Variants in SDCCAG8 observed in about 807,000 individuals in gnomAD.
The protein encoded by SDCCAG8 is serologically defined colon cancer antigen 8.
A neutral mutation model predicts 101.8 loss-of-function variants in SDCCAG8; 74 were observed. The ratio of observed to expected loss-of-function variants is 0.73; its 90% CI spans 0.60 to 0.88. SDCCAG8 has a LOEUF of 0.88. Ranked by LOEUF, SDCCAG8 falls within the 40% of genes least tolerant of loss-of-function variation. SDCCAG8 has a pLI of 0.00. For missense variants in SDCCAG8, 787 were observed against 822.6 expected, an observed-to-expected ratio of 0.96 and a Z score of 0.53; for synonymous variants, 281 against 292.9, an observed-to-expected ratio of 0.96 and a Z score of 0.41.
At chr1:243,322,610 C>G (rs182250685) in intron 9 of SDCCAG8, among the ~76,000 whole-genome samples, 68 of 152,252 alleles carry the variant, frequency 4.5e-4, no homozygotes, top group Non-Finnish European at 7.1e-4. Flanking sequence ...AAATCCGTAG[C>G]ATCTTGCGTA....
chr1:243,486,525 C>G (rs1308108360), intron 16 of SDCCAG8, among the ~76,000 whole-genome samples: 1 of 152,220 alleles, frequency 6.6e-6, no homozygotes, highest in Admixed American at 6.5e-5. Flanking sequence ...GCAAAGCACT[C>G]TGGACTAAAC....
intron 15 of SDCCAG8, among the ~76,000 whole-genome samples, chr1:243,423,557 GAAT>G (rs1293903789): frequency 1.3e-5 from 2 of 152,072 alleles, no homozygotes; most frequent in African/African-American, 4.8e-5. Context: ...AACCGTTTAT[GAAT>G]AATAATACAA....
intron 17 of SDCCAG8, 86 bp from the exon 18 acceptor site, chr1:243,499,670 A>C: frequency 9.2e-7 from 1 of 1,088,014 alleles, no homozygotes; most frequent in Middle Eastern, 2.0e-4. Context: ...TTTTCATCAT[A>C]AAAGGTGACT....
At chr1:243,258,559 C>A (rs1339139846) in intron 1 of SDCCAG8, among the ~76,000 whole-genome samples, 2 of 152,148 alleles carry the variant, frequency 1.3e-5, no homozygotes, top group Non-Finnish European at 2.9e-5. Context: ...CACGCGCCAC[C>A]ATGCCCGGCT....
chr1:243,388,585 G>T (rs994003506), intron 13 of SDCCAG8, among the ~76,000 whole-genome samples: 2 of 151,940 alleles, frequency 1.3e-5, no homozygotes, highest in Middle Eastern at 3.4e-3. Flanking sequence ...CCCTGGTCAG[G>T]TGCCATGGCT....
intron 6 of SDCCAG8, among the ~76,000 whole-genome samples, chr1:243,300,402 A>G (rs2071385946): frequency 6.6e-6 from 1 of 152,062 alleles, no homozygotes; most frequent in Non-Finnish European, 1.5e-5. Context: ...CTTATCTCTT[A>G]CCTATGTATT....
rs4658553 is a variant in SDCCAG8, at chr1:243,282,045, T to A, written c.421-4227T>A. Among the ~76,000 whole-genome samples the A allele has an allele frequency of 2.1e-3, 321 of 152,184 alleles. 2 individuals are homozygous for A. Among genetic ancestry groups the A allele is most frequent in the African/African-American group, 7.0e-3 (291 of 41,476 alleles). ...GTCGCCCAGGCTGTAGTGCAGTGAC[T>A]CCATCTTGGCCCACTGCAACCTCTG... is the stretch of plus-strand genomic sequence containing the variant. On this transcript the variant is annotated intron_variant, in intron 4 of 17. Coordinates refer to ENST00000366541, the MANE Select transcript of SDCCAG8 (RefSeq NM_006642.5).
chr1:243,417,767 T>C (rs1333078731), intron 14 of SDCCAG8, among the ~76,000 whole-genome samples: 1 of 152,194 alleles, frequency 6.6e-6, no homozygotes, highest in Non-Finnish European at 1.5e-5. Context: ...TTCTGGTGTA[T>C]AATTATGTTG....
intron 12 of SDCCAG8, among the ~76,000 whole-genome samples, chr1:243,346,698 A>G (rs2147798874): frequency 6.6e-6 from 1 of 152,302 alleles, no homozygotes; most frequent in Middle Eastern, 3.4e-3. Context: ...TCAGGAACCG[A>G]TGGGCGGATT....
At chr1:243,392,782 T>C (rs1354264725) in intron 13 of SDCCAG8, among the ~76,000 whole-genome samples, 2 of 152,242 alleles carry the variant, frequency 1.3e-5, no homozygotes, top group Admixed American at 1.3e-4. Context: ...TTTCATTAAA[T>C]GCAGGAATGG....
At chr1:243,340,489 G>A (rs2147780267) in intron 10 of SDCCAG8, among the ~76,000 whole-genome samples, 1 of 152,238 alleles carries the variant, frequency 6.6e-6, no homozygotes, top group South Asian at 2.1e-4. Context: ...ACCTACATGA[G>A]AAATGAGGGA....
At chr1:243,363,802 A>G (rs2076850863) in intron 12 of SDCCAG8, among the ~76,000 whole-genome samples, 1 of 152,216 alleles carries the variant, frequency 6.6e-6, no homozygotes, top group African/African-American at 2.4e-5. Flanking sequence ...AAAGCTGTAT[A>G]CATACATAGG....
chr1:243,364,103 C>G (rs1000785616), intron 12 of SDCCAG8, among the ~76,000 whole-genome samples: 1 of 152,036 alleles, frequency 6.6e-6, no homozygotes, highest in Admixed American at 6.6e-5. Context: ...TGTCTCAGTA[C>G]AGAAGGATTT....
At chr1:243,443,275 C>T (rs2082668492) in intron 16 of SDCCAG8, among the ~76,000 whole-genome samples, 1 of 152,154 alleles carries the variant, frequency 6.6e-6, no homozygotes, top group Admixed American at 6.5e-5. Context: ...TGGAACAATT[C>T]ATACAAAAAG....
At chr1:243,433,508 C>T (rs1003018538) in intron 16 of SDCCAG8, among the ~76,000 whole-genome samples, 15 of 152,154 alleles carry the variant, frequency 9.9e-5, no homozygotes, top group Admixed American at 9.2e-4. Context: ...CTGGCTGCTG[C>T]CATGCCTCCA....
chr1:243,290,756 A>G (rs2070170979), intron 5 of SDCCAG8, among the ~76,000 whole-genome samples: 1 of 152,180 alleles, frequency 6.6e-6, no homozygotes, highest in African/African-American at 2.4e-5. Context: ...CCTTCAAGAT[A>G]CCACACCAGT....
At chr1:243,326,605 G>A (rs1054573089) in intron 9 of SDCCAG8, among the ~76,000 whole-genome samples, 12 of 152,078 alleles carry the variant, frequency 7.9e-5, no homozygotes, top group African/African-American at 2.4e-4. Flanking sequence ...TCAATAGTTT[G>A]CATTATTCAT....
chr1:243,471,323 G>A (rs1318542069), intron 16 of SDCCAG8, among the ~76,000 whole-genome samples: 2 of 152,164 alleles, frequency 1.3e-5, no homozygotes, highest in Non-Finnish European at 2.9e-5. Context: ...ATTGGCCCTC[G>A]GGCGGGTACT....
chr1:243,314,428 T>C (rs2073053089), intron 8 of SDCCAG8, among the ~76,000 whole-genome samples: 1 of 152,216 alleles, frequency 6.6e-6, no homozygotes, highest in African/African-American at 2.4e-5. Flanking sequence ...TAATTCAAAA[T>C]AGGTAATGTT....
Sources: gnomAD v4.1 joint callset for allele counts (sites outside exome capture counted in the v4.1 genomes callset) on GRCh38, gnomAD v4.1.1 for gene constraint, MANE v1.5 for transcripts, NCBI Gene and HGNC (gene_info 2026-07-23, HGNC 2026-07-21) for gene names.